Variants in TAS2R1 observed in about 807,000 individuals in gnomAD.
TAS2R1 encodes taste 2 receptor member 1, also known as taste receptor type 2 member 1.
For missense variants in TAS2R1, 370 were observed against 353.4 expected (o/e 1.05, Z -0.38); for synonymous variants, 141 against 134.2 (o/e 1.05, Z -0.35).
At chr5:9,854,982 C>T in the TAS2R1 span, among the ~76,000 whole-genome samples, 6 of 152,198 alleles carry the variant, frequency 3.9e-5, no homozygotes, top group Non-Finnish European at 8.8e-5. Flanking sequence ...TTATTCATTC[C>T]ATTCAAAGGA....
chr5:9,710,394 A>G (rs1286815273), intron 1 of TAS2R1, among the ~76,000 whole-genome samples: 1 of 152,270 alleles, frequency 6.6e-6, no homozygotes, highest in East Asian at 1.9e-4. Flanking sequence ...AATAGTAGTG[A>G]GGACATGTCA....
At chr5:9,886,391 G>A in the TAS2R1 span, among the ~76,000 whole-genome samples, 31 of 136,086 alleles carry the variant, frequency 2.3e-4, no homozygotes, top group South Asian at 4.7e-3. Flanking sequence ...CTGAAGTGTA[G>A]TGGTGCAATC....
At chr5:9,662,220 T>C (rs569730909) in intron 1 of TAS2R1, among the ~76,000 whole-genome samples, 8 of 152,324 alleles carry the variant, frequency 5.3e-5, no homozygotes, top group Admixed American at 3.9e-4. Context: ...ATAAGTCACA[T>C]TGCAAAAAGG....
the TAS2R1 span, among the ~76,000 whole-genome samples, chr5:9,759,175 T>C: frequency 9.9e-5 from 15 of 152,204 alleles, no homozygotes; most frequent in African/African-American, 1.4e-4. Flanking sequence ...TTTATAATTG[T>C]CAAAATATAT....
At chr5:9,894,224 G>A in the TAS2R1 span, among the ~76,000 whole-genome samples, 4 of 152,088 alleles carry the variant, frequency 2.6e-5, no homozygotes, top group South Asian at 4.2e-4. Flanking sequence ...CCAACATGAC[G>A]AAACCCCGTC....
At chr5:9,844,504 C>T in the TAS2R1 span, among the ~76,000 whole-genome samples, 3 of 152,168 alleles carry the variant, frequency 2.0e-5, no homozygotes, top group Non-Finnish European at 4.4e-5. Context: ...CTATGTAAGT[C>T]TTCCCTGACA....
At chr5:9,830,648 A>G in the TAS2R1 span, among the ~76,000 whole-genome samples, 1 of 151,340 alleles carries the variant, frequency 6.6e-6, no homozygotes, top group South Asian at 2.1e-4. Flanking sequence ...CAACAGAGAC[A>G]AAACAGACAT....
In TAS2R1 at chr5:9,630,106, T is replaced by G; in HGVS notation, c.-74A>C. ...TTTGGACAGGTTGGGTTGTTCACGC[T>G]CTTCAATTAGATCAGGACTCCTCTG... On this transcript the variant is annotated 5_prime_UTR_variant, in exon 1 of 1. Coordinates refer to ENST00000382492, the MANE Select transcript of TAS2R1 (RefSeq NM_019599.3). 7.9e-7 allele frequency: 1 copy of G among 1,273,082 alleles called. No homozygotes were observed. Among genetic ancestry groups the G allele is most frequent in the Non-Finnish European group, 1.1e-6 (1 of 940,580 alleles). 78.9% of individuals were successfully genotyped at this position (1,273,082 alleles called of 1,614,324 possible).
intron 2 of TAS2R1, among the ~76,000 whole-genome samples, chr5:9,647,699 A>G (rs79545848): frequency 0.038 from 5,757 of 152,294 alleles, 168 homozygotes; most frequent in African/African-American, 0.078. Context: ...TTATTCTTGT[A>G]TACATCAGAC....
chr5:9,648,166 A>C (rs1740231927), intron 2 of TAS2R1, among the ~76,000 whole-genome samples: 1 of 152,118 alleles, frequency 6.6e-6, no homozygotes, highest in Non-Finnish European at 1.5e-5. Context: ...GGGAGAGAAT[A>C]CTTCAACATG....
chr5:9,809,317 C>G, the TAS2R1 span, among the ~76,000 whole-genome samples: 76 of 152,080 alleles, frequency 5.0e-4, no homozygotes, highest in Non-Finnish European at 8.5e-4. Context: ...GGGAATGTTA[C>G]GGACTGAATA....
chr5:9,763,765 T>G, the TAS2R1 span, among the ~76,000 whole-genome samples: 2 of 151,970 alleles, frequency 1.3e-5, no homozygotes, highest in Non-Finnish European at 2.9e-5. Flanking sequence ...ATTAGAGACA[T>G]CAAAACCCCG....
chr5:9,843,171 C>G, the TAS2R1 span, among the ~76,000 whole-genome samples: 1 of 152,128 alleles, frequency 6.6e-6, no homozygotes, highest in African/African-American at 2.4e-5. Context: ...TGGCTCACCT[C>G]TCTATAATTC....
At chr5:9,896,121 T>C in the TAS2R1 span, among the ~76,000 whole-genome samples, 2 of 152,324 alleles carry the variant, frequency 1.3e-5, no homozygotes, top group South Asian at 4.1e-4. Context: ...CTGAGAGACC[T>C]GTTAGCTTCC....
chr5:9,700,966 G>C (rs150003459), intron 1 of TAS2R1, among the ~76,000 whole-genome samples: 69 of 152,232 alleles, frequency 4.5e-4, no homozygotes, highest in Non-Finnish European at 1.2e-4. Flanking sequence ...TATCAATTGT[G>C]TGCAAGTGAA....
the TAS2R1 span, among the ~76,000 whole-genome samples, chr5:9,778,448 T>A: frequency 6.6e-6 from 1 of 152,232 alleles, no homozygotes; most frequent in Admixed American, 6.5e-5. Context: ...AGATAATCAA[T>A]CTGTCTCCCA....
intron 2 of TAS2R1, among the ~76,000 whole-genome samples, chr5:9,649,491 C>T (rs1247981133): frequency 6.6e-6 from 1 of 152,174 alleles, no homozygotes; most frequent in African/African-American, 2.4e-5. Flanking sequence ...TTTCAAAATA[C>T]TCCTGAGCAA....
At chr5:9,740,904 A>G in the TAS2R1 span, among the ~76,000 whole-genome samples, 17,060 of 152,284 alleles carry the variant, frequency 0.11, 1,170 homozygotes, top group Middle Eastern at 0.23. Flanking sequence ...ACCATTAAAC[A>G]AAAATCTGAG....
chr5:9,810,852 A>AT, the TAS2R1 span, among the ~76,000 whole-genome samples: 1 of 152,010 alleles, frequency 6.6e-6, no homozygotes, highest in African/African-American at 2.4e-5. Context: ...ATGTTGCACT[A>AT]TTTTCACATG....
Sources: allele counts gnomAD v4.1 joint callset (sites outside exome capture counted in the v4.1 genomes callset), GRCh38; gene constraint gnomAD v4.1.1; transcripts MANE v1.5; gene names NCBI Gene and HGNC (gene_info 2026-07-23, HGNC 2026-07-21).